The following RETSAT variants were observed in gnomAD, a reference collection of about 807,000 sequenced individuals.
RETSAT encodes all-trans-retinol 13,14-reductase.
A neutral mutation model predicts 61.6 loss-of-function variants in RETSAT; 35 were observed. The ratio of observed to expected loss-of-function variants is 0.57; its 90% CI spans 0.43 to 0.75. RETSAT has a LOEUF of 0.75. Ranked by LOEUF, RETSAT falls within the 30% of genes least tolerant of loss-of-function variation. The probability of loss-of-function intolerance (pLI) is 0.00; values close to 1 mark genes in which losing one functional copy is unlikely to be tolerated. For synonymous variants in RETSAT, 277 were observed against 310.4 expected (o/e 0.89, Z 1.13); for missense variants, 670 against 759.5 (o/e 0.88, Z 1.38).
At chr2:85,351,958 G>A in intron 1 of RETSAT, 96 bp from the exon 2 acceptor site, 1 of 1,159,330 alleles carries the variant, frequency 8.6e-7, no homozygotes, top group Non-Finnish European at 1.2e-6. Context: ...CTTGTACAGT[G>A]CAAGAAACCT....
rs760862678 is a variant in RETSAT at position 85,345,815 on chromosome 2, G to A, written c.1117+160C>T. On this transcript the variant is annotated intron_variant, in intron 6 of 10. Transcript: ENST00000295802. ...AGTTTCCCCAACATTAAATGCTAGGGTTAGGATGATGTTAGAGGTAGCGTT... is the reference window on the plus strand; with the variant it reads ...AGTTTCCCCAACATTAAATGCTAGGATTAGGATGATGTTAGAGGTAGCGTT... 1.7e-5 allele frequency: 15 copies of A among 879,624 alleles called. No individual in the cohort carries two copies. In the South Asian group the frequency reaches 1.9e-4, roughly 11 times the overall value. The allele number at this position is 879,624 out of a possible 1,614,324, so 54.5% of individuals were successfully genotyped here. A position where few individuals can be genotyped will look rare whatever the true frequency, so the allele number is the denominator to read the frequency against.
rs762074418 is a variant in RETSAT at position 85,344,653 on chromosome 2, T to G, written c.1197A>C (p.Glu399Asp). 1.9e-6 allele frequency: 3 copies of G among 1,614,190 alleles called. No homozygotes were observed. The South Asian group carries it at 3.3e-5, about 18-fold the overall frequency. ...SVFICLRGTK[E>D]DLHLPSTNYY... ...AGTTGGTGGACGGCAGATGCAGGTCTTCCTTGGTGCCTCGCAGGCAGATGA... is the reference window on the plus strand; with the variant it reads ...AGTTGGTGGACGGCAGATGCAGGTCGTCCTTGGTGCCTCGCAGGCAGATGA... Residue 399 changes from glutamate to aspartate, a missense_variant, in exon 7 of 11, where the codon GAA becomes GAC. By Grantham distance (45) the Glu-to-Asp change is conservative. Coordinates refer to ENST00000295802, the MANE Select transcript of RETSAT (RefSeq NM_017750.4).
At position 85,344,317 on chromosome 2, in the gene RETSAT, C is replaced by A. The variant is rs201598019; in HGVS notation, c.1288G>T (p.Glu430Ter). The change falls in exon 8 of 11, where the codon GAG becomes TAG. Residue 430 changes from glutamate (E) to a stop codon, truncating the protein, a stop_gained. Transcript: ENST00000295802. LOFTEE classifies it high-confidence loss of function. ...AGAAGAGGGATGTGTTCCGCAGCCT[C>A]TTCCCTGGGCATGGAGACGTAGCGC... ...MERYVSMPRE[E>*]AAEHIPLLFF... 44 of 1,614,108 alleles carry A rather than the reference C, an allele frequency of 2.7e-5. No homozygotes were observed. The East Asian group carries it at 8.0e-4, about 29-fold the overall frequency.
At chr2:85,346,516 G>A (rs938977451) in intron 5 of RETSAT, among the ~76,000 whole-genome samples, 1 of 152,194 alleles carries the variant, frequency 6.6e-6, no homozygotes, top group African/African-American at 2.4e-5. Context: ...CGCTTTGGGA[G>A]TCTGAGGTAA....
intron 10 of RETSAT, 24 bp from the exon 11 acceptor site, chr2:85,343,405 C>T (rs564081808): frequency 1.1e-4 from 171 of 1,604,254 alleles, no homozygotes; most frequent in Middle Eastern, 9.6e-4. Flanking sequence ...GCAGAGGCCC[C>T]TGAGCGTGCA....
chr2:85,349,801 G>A (rs746660704), intron 4 of RETSAT: 5 of 629,226 alleles, frequency 7.9e-6, no homozygotes, highest in Non-Finnish European at 1.4e-5. Context: ...CTGCCATGCT[G>A]CCAAGACCAA....
rs1683149266 is a variant in RETSAT at position 85,344,265 on chromosome 2, T to C, written c.1340A>G (p.Asp447Gly). The change falls in exon 8 of 11, where the codon GAT becomes GGT. Residue 447 changes from aspartate to glycine, a missense_variant. By Grantham distance (94) the Asp-to-Gly change is moderately conservative (BLOSUM62 -1). Transcript: ENST00000295802. ...LLFFAFPSAKDPTWEDRFPGR... is the reference protein window; with the variant it reads ...LLFFAFPSAKGPTWEDRFPGR... The stretch of plus-strand genomic sequence containing the variant: ...TGGGAATCGGTCCTCCCAGGTCGGA[T>C]CTTTGGCTGATGGGAAAGCGAAGAA... 1.2e-6 allele frequency: 2 copies of C among 1,613,904 alleles called. No individual in the cohort carries two copies. The highest frequency in any genetic ancestry group is 2.2e-5 in the East Asian group (1 of 44,848).
rs1275355359 is a variant in RETSAT at position 85,343,165 on chromosome 2, G to A, written c.*77C>T. 2.5e-6 allele frequency: 4 copies of A among 1,573,866 alleles called. No individual in the cohort carries two copies. Among genetic ancestry groups the A allele is most frequent in the Non-Finnish European group, 3.5e-6 (4 of 1,153,106 alleles). ...TGCTTTATACGTGCAAGGAACTAAT[G>A]CAGAAAGACATTATGGGTAAGTCAA... On this transcript the variant is annotated 3_prime_UTR_variant, in exon 11 of 11. Transcript: ENST00000295802.
At chr2:85,349,874 A>G (rs1164063650) in intron 4 of RETSAT, 166 bp downstream of exon 4, 2 of 667,196 alleles carry the variant, frequency 3.0e-6, no homozygotes, top group Non-Finnish European at 2.6e-6. Context: ...ATTTTGACCA[A>G]GGAGTCCAGC....
chr2:85,349,545 G>T lies in RETSAT; in HGVS notation c.836C>A (p.Ala279Asp), dbSNP rs1436966944. ...TPNHSAFSMH[A>D]LLVNHYMKGG... is the part of the protein sequence containing the mutation. Reference sequence around the variant, plus strand: ...TTTCATGTAGTGGTTGACCAGCAGGGCGTGCATGGAAAAGGCACTGTGGTT... The same window carrying T: ...TTTCATGTAGTGGTTGACCAGCAGGTCGTGCATGGAAAAGGCACTGTGGTT... The change falls in exon 5 of 11, where the codon GCC (alanine) becomes GAC (aspartate). Residue 279 changes from alanine (A) to aspartate (D), a missense_variant. Ala to Asp is a moderately radical substitution (Grantham distance 126). Transcript: ENST00000295802. The T allele has an allele frequency of 1.2e-6, 2 of 1,614,192 alleles. No homozygotes were observed. The highest frequency in any genetic ancestry group is 3.3e-5 in the Admixed American group (2 of 60,018).
chr2:85,349,351 A>T lies in RETSAT; in HGVS notation c.997+33T>A, dbSNP rs756201218. ...AGGTCTCGCCCACACCAACCCAGGG[A>T]CCCAGAAGGGCAGGGCGGGGCAGGG... is the stretch of plus-strand genomic sequence containing the variant. On this transcript the variant is annotated intron_variant, in intron 5 of 10. Coordinates refer to ENST00000295802, the MANE Select transcript of RETSAT (RefSeq NM_017750.4). The T allele has an allele frequency of 6.8e-6, 11 of 1,611,506 alleles. No individual in the cohort carries two copies. The South Asian group carries it at 1.2e-4, about 18-fold the overall frequency.
rs542874359 is a variant in RETSAT, at chr2:85,350,685, C to T, written c.597+95G>A. 86 of 1,428,686 alleles carry T rather than the reference C, an allele frequency of 6.0e-5. 1 individual carries two copies. The South Asian group carries it at 8.8e-4, about 15-fold the overall frequency. The allele number at this position is 1,428,686 out of a possible 1,614,324, so 88.5% of individuals were successfully genotyped here. A position where few individuals can be genotyped will look rare whatever the true frequency, so the allele number is the denominator to read the frequency against. The stretch of plus-strand genomic sequence containing the variant: ...TGACTCTTCCTCCCTTCCTGCCTCC[C>T]GCACTGCACTCTCCACCCCCAGTGC... On this transcript the variant is annotated intron_variant, in intron 3 of 10. Coordinates refer to ENST00000295802, the MANE Select transcript of RETSAT (RefSeq NM_017750.4).
Position 85,354,386 on chromosome 2 carries a change from G to T in RETSAT, c.122C>A (p.Pro41Gln). ...CTCCTTGTCAGTTACCAGGGGCGCT[G>T]GGGGCCGTTTGACATCTTCGGAGAA... ...NPFSEDVKRP[P>Q]APLVTDKEAR... Residue 41 changes from proline to glutamine, a missense_variant, in exon 1 of 11, where the codon CCA (proline) becomes CAA (glutamine). Physicochemically the swap from Pro to Gln is moderately conservative, Grantham distance 76 (BLOSUM62 -1). Coordinates refer to ENST00000295802, the MANE Select transcript of RETSAT (RefSeq NM_017750.4). 6.2e-7 allele frequency: 1 copy of T among 1,614,192 alleles called. No homozygotes were observed. Among genetic ancestry groups the T allele is most frequent in the Non-Finnish European group, 8.5e-7 (1 of 1,180,030 alleles).
In RETSAT at chr2:85,343,272, A is replaced by G; in HGVS notation, c.1803T>C (p.Ser601=). ...TCTTTTTCTTCTGTGCCCGGATCCT[A>G]GAATCAAGATTCTTAAGGTCTGAGT... ...NLYSDLKNLD[S]RIRAQKKKN is the part of the protein sequence containing the mutation. Residue 601 remains serine, a synonymous_variant, in exon 11 of 11, where the codon TCT becomes TCC. Transcript: ENST00000295802. The G allele has an allele frequency of 1.2e-6, 2 of 1,614,282 alleles. No individual in the cohort carries two copies. The highest frequency in any genetic ancestry group is 1.7e-6 in the Non-Finnish European group (2 of 1,180,040).
rs772016115 is a variant in RETSAT, at chr2:85,354,364, C to T, written c.144G>A (p.Lys48=). The change falls in exon 1 of 11, where the codon AAG becomes AAA. Residue 48 remains lysine, a synonymous_variant. Coordinates refer to ENST00000295802, the MANE Select transcript of RETSAT (RefSeq NM_017750.4). ...GTTTGAGAACCTTCTTCCTGGCCTC[C>T]TTGTCAGTTACCAGGGGCGCTGGGG... is the stretch of plus-strand genomic sequence containing the variant. The part of the protein sequence containing the change: ...KRPPAPLVTD[K]EARKKVLKQA... 2 of 1,614,244 alleles carry T rather than the reference C, an allele frequency of 1.2e-6. No homozygotes were observed.
chr2:85,354,502 C>G lies in RETSAT; in HGVS notation c.6G>C (p.Trp2Cys). ...CAGCCAGGAGCAGCACCAGCGGAAG[C>G]CACATCACGCCGGCGTCGGGTCGGG... M[W>C]LPLVLLLAVL... Residue 2 changes from tryptophan (W) to cysteine (C), a missense_variant, in exon 1 of 11, where the codon TGG (tryptophan) becomes TGC (cysteine). Trp to Cys is a radical substitution (Grantham distance 215). Transcript: ENST00000295802. 1 of 1,607,782 alleles carries G rather than the reference C, an allele frequency of 6.2e-7. No homozygotes were observed. Among genetic ancestry groups the G allele is most frequent in the Non-Finnish European group, 8.5e-7 (1 of 1,176,656 alleles).
intron 5 of RETSAT, among the ~76,000 whole-genome samples, chr2:85,348,352 T>G (rs1683235811): frequency 6.6e-6 from 1 of 152,158 alleles, no homozygotes; most frequent in African/African-American, 2.4e-5. Context: ...GATAGTCGGC[T>G]GGTCTCCGTG....
chr2:85,348,154 C>G (rs1021197899), intron 5 of RETSAT, among the ~76,000 whole-genome samples: 2 of 152,090 alleles, frequency 1.3e-5, no homozygotes, highest in African/African-American at 4.8e-5. Context: ...TCAACCTGAG[C>G]CAGGGTAATA....
rs760116983 is a variant in RETSAT at position 85,350,202 on chromosome 2, A to G, written c.637T>C (p.Phe213Leu). 1.2e-5 allele frequency: 20 copies of G among 1,613,916 alleles called. No homozygotes were observed. Among genetic ancestry groups the G allele is most frequent in the Non-Finnish European group, 1.5e-5 (18 of 1,179,996 alleles). Residue 213 changes from phenylalanine (F) to leucine (L), a missense_variant, in exon 4 of 11, where the codon TTC (phenylalanine) becomes CTC (leucine). Phe to Leu is a conservative substitution (Grantham distance 22). Transcript: ENST00000295802. ...SGAPHAILLK[F>L]LPLPVVQLLD... The stretch of plus-strand genomic sequence containing the variant: ...AGCTGAACCACGGGCAATGGGAGGA[A>G]TTTCAACAGGATGGCATGAGGGGCT...
Sources: allele counts gnomAD v4.1 joint callset (sites outside exome capture counted in the v4.1 genomes callset), GRCh38; gene constraint gnomAD v4.1.1; transcripts MANE v1.5; gene names NCBI Gene and HGNC (gene_info 2026-07-23, HGNC 2026-07-21).